SSBP2: variants seen among roughly 807,000 people sequenced by gnomAD.
SSBP2 encodes single-stranded DNA-binding protein 2.
Under a neutral mutation model 61.8 loss-of-function variants are expected in SSBP2, and 17 were observed. The ratio of observed to expected loss-of-function variants is 0.28; its 90% CI spans 0.19 to 0.41. The LOEUF (loss-of-function observed/expected upper bound fraction) is 0.41, where lower values mean the gene tolerates loss of function less well. Ranked by LOEUF, SSBP2 falls within the 10% of genes least tolerant of loss-of-function variation. SSBP2 has a pLI of 1.00. For synonymous variants in SSBP2, 139 were observed against 141.3 expected (o/e 0.98, Z 0.12); for missense variants, 310 against 458.7 (o/e 0.68, Z 2.96).
intron 1 of SSBP2, among the ~76,000 whole-genome samples, chr5:81,652,566 G>A (rs1425633889): frequency 2.6e-5 from 4 of 152,024 alleles, no homozygotes; most frequent in Non-Finnish European, 5.9e-5. Context: ...AGTGGGATCC[G>A]GCTGAGAAAA....
At chr5:81,605,905 A>G (rs771004074) in intron 4 of SSBP2, among the ~76,000 whole-genome samples, 2 of 152,198 alleles carry the variant, frequency 1.3e-5, no homozygotes, top group Non-Finnish European at 2.9e-5. Context: ...GAAATTGTTA[A>G]GGTTGACTAC....
At chr5:81,495,894 A>AGT (rs755458899) in intron 5 of SSBP2, among the ~76,000 whole-genome samples, 294 of 152,238 alleles carry the variant, frequency 1.9e-3, no homozygotes, top group Non-Finnish European at 3.7e-3. Flanking sequence ...AAAAGTAAAA[A>AGT]AAACCCTCTA....
chr5:81,444,500 G>C (rs931658875), intron 12 of SSBP2, among the ~76,000 whole-genome samples: 5 of 152,054 alleles, frequency 3.3e-5, no homozygotes, highest in African/African-American at 7.2e-5. Flanking sequence ...CGTTCCTCCT[G>C]CTTCCAACTA....
At chr5:81,634,995 G>C (rs1202502244) in intron 3 of SSBP2, among the ~76,000 whole-genome samples, 2 of 152,192 alleles carry the variant, frequency 1.3e-5, no homozygotes, top group Non-Finnish European at 2.9e-5. Flanking sequence ...AGAGGGTAGG[G>C]ATGTGTGTGT....
chr5:81,595,849 A>G (rs1395986821), intron 4 of SSBP2, among the ~76,000 whole-genome samples: 3 of 152,230 alleles, frequency 2.0e-5, no homozygotes, highest in South Asian at 2.1e-4. Flanking sequence ...TTTCAAAATA[A>G]TAAGAGCTAT....
At chr5:81,467,405 A>G (rs1213351927) in intron 8 of SSBP2, among the ~76,000 whole-genome samples, 1 of 152,052 alleles carries the variant, frequency 6.6e-6, no homozygotes, top group Non-Finnish European at 1.5e-5. Flanking sequence ...GAGTGATTCA[A>G]TGTTTGAAAT....
At chr5:81,716,358 T>C (rs1184724349) in intron 1 of SSBP2, among the ~76,000 whole-genome samples, 1 of 152,138 alleles carries the variant, frequency 6.6e-6, no homozygotes, top group Non-Finnish European at 1.5e-5. Flanking sequence ...AAAACACTGA[T>C]AAAATGTGTA....
intron 10 of SSBP2, among the ~76,000 whole-genome samples, chr5:81,454,802 G>A (rs1764020886): frequency 6.6e-6 from 1 of 152,066 alleles, no homozygotes; most frequent in Non-Finnish European, 1.5e-5. Flanking sequence ...TAAGAAGGAA[G>A]AAAGGTGACT....
Position 81,650,248 on chromosome 5 carries a change from G to A in SSBP2, c.135+19C>T. 6.6e-7 allele frequency: 1 copy of A among 1,517,904 alleles called. No homozygotes were observed. 94.0% of individuals were successfully genotyped at this position (1,517,904 alleles called of 1,614,324 possible). ...TTATATAAGATCAAAATGCAATACA[G>A]AAAATATATAAAACATACCTCTGAT... On this transcript the variant is annotated intron_variant, in intron 2 of 16. Coordinates refer to ENST00000320672, the MANE Select transcript of SSBP2 (RefSeq NM_012446.5).
intron 4 of SSBP2, among the ~76,000 whole-genome samples, chr5:81,579,136 T>A (rs1024788246): frequency 6.6e-6 from 1 of 151,478 alleles, no homozygotes; most frequent in Non-Finnish European, 1.5e-5. Context: ...GAAGAGGGGG[T>A]TGAGTCAAAC....
At chr5:81,687,775 AG>A (rs1752926828) in intron 1 of SSBP2, among the ~76,000 whole-genome samples, 1 of 152,178 alleles carries the variant, frequency 6.6e-6, no homozygotes, top group Non-Finnish European at 1.5e-5. Flanking sequence ...ACTGTCTTGA[AG>A]GGAAGAACCC....
chr5:81,648,223 A>G (rs1251687396), intron 2 of SSBP2, among the ~76,000 whole-genome samples: 1 of 152,124 alleles, frequency 6.6e-6, no homozygotes, highest in Non-Finnish European at 1.5e-5. Context: ...CACTTCTTCT[A>G]TAATATCAGT....
chr5:81,567,026 T>C (rs1773472978), intron 4 of SSBP2, among the ~76,000 whole-genome samples: 1 of 152,184 alleles, frequency 6.6e-6, no homozygotes, highest in African/African-American at 2.4e-5. Flanking sequence ...CATAAAAGTT[T>C]GGAAAATTTG....
At chr5:81,537,354 G>C (rs1770887585) in intron 4 of SSBP2, among the ~76,000 whole-genome samples, 1 of 152,066 alleles carries the variant, frequency 6.6e-6, no homozygotes, top group African/African-American at 2.4e-5. Context: ...ATATGAATTT[G>C]TCTGTTCTGC....
At chr5:81,696,357 G>A (rs549034387) in intron 1 of SSBP2, among the ~76,000 whole-genome samples, 13 of 152,274 alleles carry the variant, frequency 8.5e-5, no homozygotes, top group African/African-American at 3.1e-4. Flanking sequence ...TGTCACAGAT[G>A]CAGAGGATAC....
At chr5:81,483,781 ACAC>A (rs1056737302) in intron 6 of SSBP2, among the ~76,000 whole-genome samples, 4 of 152,014 alleles carry the variant, frequency 2.6e-5, no homozygotes, top group Non-Finnish European at 4.4e-5. Flanking sequence ...ACACACACAC[ACAC>A]ATTTATACTT....
intron 5 of SSBP2, among the ~76,000 whole-genome samples, chr5:81,491,216 A>G (rs1218859127): frequency 6.6e-6 from 1 of 152,240 alleles, no homozygotes; most frequent in Non-Finnish European, 1.5e-5. Flanking sequence ...TCATTAATTC[A>G]AAATATAGTA....
intron 1 of SSBP2, among the ~76,000 whole-genome samples, chr5:81,747,982 C>G (rs1029101017): frequency 1.3e-5 from 2 of 151,982 alleles, no homozygotes; most frequent in African/African-American, 2.4e-5. Flanking sequence ...CTAATCTTAC[C>G]CTGATCATTT....
intron 16 of SSBP2, among the ~76,000 whole-genome samples, chr5:81,427,635 C>CATAAGT (rs761995021): frequency 1.3e-5 from 2 of 152,176 alleles, no homozygotes; most frequent in African/African-American, 4.8e-5. Flanking sequence ...AGGGTAGTCT[C>CATAAGT]TCTCATGATT....
Sources: gnomAD v4.1 joint callset for allele counts (sites outside exome capture counted in the v4.1 genomes callset) on GRCh38, gnomAD v4.1.1 for gene constraint, MANE v1.5 for transcripts, NCBI Gene and HGNC (gene_info 2026-07-23, HGNC 2026-07-21) for gene names.